FHIT: variants seen among roughly 807,000 people sequenced by gnomAD.
FHIT encodes the protein fragile histidine triad diadenosine triphosphatase.
Under a neutral mutation model 17.9 loss-of-function variants are expected in FHIT, and 19 were observed. The ratio of observed to expected loss-of-function variants is 1.06; its 90% confidence interval spans 0.74 to 1.56. The LOEUF is 1.56. Ranked by LOEUF, FHIT falls within the 40% of genes most tolerant of loss-of-function variation. FHIT has a pLI of 0.00. For synonymous variants in FHIT, 81 were observed against 69.7 expected (o/e 1.16, Z -0.81); for missense variants, 248 against 189.2 (o/e 1.31, Z -1.82).
intron 3 of FHIT, among the ~76,000 whole-genome samples, chr3:61,040,107 A>G (rs1393022026): frequency 6.6e-6 from 1 of 152,324 alleles, no homozygotes; most frequent in East Asian, 1.9e-4. Context: ...GGTTTAACGA[A>G]ACCTTACTCT....
At chr3:60,514,744 C>A (rs547591833) in intron 5 of FHIT, among the ~76,000 whole-genome samples, 1 of 152,242 alleles carries the variant, frequency 6.6e-6, no homozygotes, top group Non-Finnish European at 1.5e-5. Context: ...CCTCCAATGT[C>A]AGTAAGACAA....
rs1282719091 is a variant in FHIT, at chr3:60,678,276, T to C, written c.-17-141297A>G. The stretch of plus-strand genomic sequence containing the variant: ...TGAACCAGATACAAATTCACCATAT[T>C]TTCCTTCAAGGACACTTCTCATAAA... On this transcript the variant is annotated intron_variant, in intron 4 of 9. Coordinates refer to ENST00000492590, the MANE Select transcript of FHIT (RefSeq NM_002012.4). Among the ~76,000 whole-genome samples, 8 of 152,192 alleles carry C rather than the reference T, an allele frequency of 5.3e-5. No individual in the cohort carries two copies. In the East Asian group the frequency reaches 1.5e-3, roughly 29 times the overall value.
intron 5 of FHIT, among the ~76,000 whole-genome samples, chr3:60,058,098 A>G (rs2106912737): frequency 6.9e-6 from 1 of 144,934 alleles, no homozygotes; most frequent in South Asian, 2.4e-4. Context: ...TCCGGGGAAT[A>G]GGGAGTTATT....
chr3:60,246,310 G>A (rs563204074), intron 5 of FHIT, among the ~76,000 whole-genome samples: 3 of 152,206 alleles, frequency 2.0e-5, no homozygotes, highest in African/African-American at 7.2e-5. Flanking sequence ...CATTTCAACA[G>A]TGTTCTTTTA....
chr3:60,514,562 G>C (rs921279439), intron 5 of FHIT, among the ~76,000 whole-genome samples: 6 of 152,178 alleles, frequency 3.9e-5, no homozygotes, highest in African/African-American at 1.2e-4. Flanking sequence ...CAGGTGACGG[G>C]TTGGTAGATG....
At chr3:59,847,946 G>C (rs1485621133) in intron 8 of FHIT, among the ~76,000 whole-genome samples, 1 of 152,108 alleles carries the variant, frequency 6.6e-6, no homozygotes, top group Non-Finnish European at 1.5e-5. Flanking sequence ...GAAAAATTAA[G>C]GGAAGCGAAA....
At chr3:61,212,766 C>T (rs1220908175) in intron 1 of FHIT, among the ~76,000 whole-genome samples, 6 of 152,198 alleles carry the variant, frequency 3.9e-5, no homozygotes, top group East Asian at 1.9e-4. Context: ...GGTCGGGTTA[C>T]CCACAAAGGG....
intron 5 of FHIT, among the ~76,000 whole-genome samples, chr3:60,406,485 G>A (rs1701860987): frequency 6.6e-6 from 1 of 152,180 alleles, no homozygotes; most frequent in African/African-American, 2.4e-5. Context: ...ATGCAGGAAA[G>A]CGAAAGAGAC....
intron 2 of FHIT, among the ~76,000 whole-genome samples, chr3:61,054,692 C>G (rs2034153206): frequency 6.6e-6 from 1 of 152,162 alleles, no homozygotes; most frequent in South Asian, 2.1e-4. Flanking sequence ...CAGATCTAGA[C>G]ATTTCTACCT....
chr3:60,364,253 C>A (rs1224382176), intron 5 of FHIT, among the ~76,000 whole-genome samples: 1 of 152,192 alleles, frequency 6.6e-6, no homozygotes, highest in Non-Finnish European at 1.5e-5. Flanking sequence ...GTACTCCATG[C>A]TGCTTTCAAG....
chr3:60,169,151 AT>A (rs1336240495), intron 5 of FHIT, among the ~76,000 whole-genome samples: 1 of 152,230 alleles, frequency 6.6e-6, no homozygotes, highest in Non-Finnish European at 1.5e-5. Flanking sequence ...GTGTGCCAAA[AT>A]AATGAAAGAA....
intron 4 of FHIT, among the ~76,000 whole-genome samples, chr3:60,792,337 T>C (rs1688134605): frequency 6.7e-6 from 1 of 149,836 alleles, no homozygotes; most frequent in South Asian, 2.1e-4. Context: ...TCCATGTATA[T>C]AGTTGTGTAT....
chr3:61,006,036 G>A (rs1204907373), intron 3 of FHIT, among the ~76,000 whole-genome samples: 3 of 151,884 alleles, frequency 2.0e-5, no homozygotes, highest in Admixed American at 6.6e-5. Flanking sequence ...GGTAAGTAGG[G>A]AGCAGGAAGA....
intron 8 of FHIT, among the ~76,000 whole-genome samples, chr3:59,852,771 T>A (rs1701993400): frequency 6.6e-6 from 1 of 152,208 alleles, no homozygotes; most frequent in Non-Finnish European, 1.5e-5. Flanking sequence ...GTCAGAATCA[T>A]GGAGCATGCA....
chr3:60,525,318 T>C (rs560631099), intron 5 of FHIT, among the ~76,000 whole-genome samples: 1 of 152,162 alleles, frequency 6.6e-6, no homozygotes, highest in East Asian at 1.9e-4. Flanking sequence ...TACCTAACCA[T>C]CCTGTTTTGA....
chr3:60,359,277 C>CT (rs71089599), intron 5 of FHIT, among the ~76,000 whole-genome samples: 5,295 of 109,914 alleles, frequency 0.048, 328 homozygotes, highest in South Asian at 0.12. Flanking sequence ...ATGAAAATAT[C>CT]TTTTTTTTTT....
chr3:61,017,228 G>A (rs1575844506), intron 3 of FHIT, among the ~76,000 whole-genome samples: 1 of 152,200 alleles, frequency 6.6e-6, no homozygotes, highest in Non-Finnish European at 1.5e-5. Context: ...AAGTGGAGGT[G>A]CAGCAAGCTG....
At chr3:60,497,612 T>C (rs1447515393) in intron 5 of FHIT, among the ~76,000 whole-genome samples, 1 of 152,188 alleles carries the variant, frequency 6.6e-6, no homozygotes, top group African/African-American at 2.4e-5. Context: ...AAAGGAAGAC[T>C]GTGGAAGAAC....
chr3:60,259,582 G>C (rs954038210), intron 5 of FHIT, among the ~76,000 whole-genome samples: 1 of 152,070 alleles, frequency 6.6e-6, no homozygotes, highest in Non-Finnish European at 1.5e-5. Flanking sequence ...ACTAAGCTTA[G>C]TAATTTACAT....
Sources: allele counts gnomAD v4.1 joint callset (sites outside exome capture counted in the v4.1 genomes callset), GRCh38; gene constraint gnomAD v4.1.1; transcripts MANE v1.5; gene names NCBI Gene and HGNC (gene_info 2026-07-23, HGNC 2026-07-21).